Variants in SLC6A6 observed in about 807,000 individuals in gnomAD.
SLC6A6 encodes sodium- and chloride-dependent taurine transporter.
A neutral mutation model predicts 68.8 loss-of-function variants in SLC6A6; 16 were observed. The observed-to-expected ratio is 0.23, with a 90% CI of 0.16 to 0.35. The LOEUF (loss-of-function observed/expected upper bound fraction) is 0.35. Among genes scored for constraint, SLC6A6 ranks in the 10% least tolerant of loss-of-function variants. The probability of loss-of-function intolerance (pLI) is 1.00; values close to 1 mark genes in which losing one functional copy is unlikely to be tolerated. For synonymous variants in SLC6A6, 312 were observed against 315.4 expected (o/e 0.99, Z 0.12); for missense variants, 474 against 802.8 (o/e 0.59, Z 4.95).
In SLC6A6 at chr3:14,488,801, C is replaced by G. The variant is rs554170876; in HGVS notation, c.*3794C>G. 1 of 152,742 alleles carries G rather than the reference C, an allele frequency of 6.5e-6. No homozygotes were observed. Among genetic ancestry groups the G allele is most frequent in the South Asian group, 2.1e-4 (1 of 4,824 alleles). 9.5% of individuals were successfully genotyped at this position (152,742 alleles called of 1,614,324 possible). On this transcript the variant is annotated 3_prime_UTR_variant, in exon 15 of 15. Coordinates refer to ENST00000622186, the MANE Select transcript of SLC6A6 (RefSeq NM_003043.6). ...GAATATATATTGTTGTAATAGGAAG[C>G]ATTTTTGCATTGTTCTCTTGTGGGT...
Position 14,409,984 on chromosome 3 carries a change from G to A in SLC6A6, c.-53-6428G>A, listed in dbSNP as rs374655407. On this transcript the variant is annotated intron_variant, in intron 1 of 14. Transcript: ENST00000622186. ...GGGCGGATCACGAGGTCAGGAGTTC[G>A]AGACCAGCCTGGCCAATATGGTGAA... Among the ~76,000 whole-genome samples the A allele has an allele frequency of 2.0e-3, 303 of 152,160 alleles. 4 individuals are homozygous for A. The highest frequency in any genetic ancestry group is 4.7e-4 in the Non-Finnish European group (32 of 68,004).
At chr3:14,464,722 A>C (rs1179911351) in intron 6 of SLC6A6, among the ~76,000 whole-genome samples, 1 of 152,092 alleles carries the variant, frequency 6.6e-6, no homozygotes, top group Non-Finnish European at 1.5e-5. Context: ...GTGCCCTGGC[A>C]CTGCACCCCC....
In SLC6A6 at chr3:14,481,920, T is replaced by G; in HGVS notation, c.1722+79T>G. The G allele has an allele frequency of 3.2e-6, 4 of 1,241,374 alleles. No individual in the cohort carries two copies. Among genetic ancestry groups the G allele is most frequent in the Non-Finnish European group, 4.6e-6 (4 of 871,904 alleles). 76.9% of individuals were successfully genotyped at this position (1,241,374 alleles called of 1,614,324 possible). A position where few individuals can be genotyped will look rare whatever the true frequency, so the allele number is the denominator to read the frequency against. ...ATTGTTGTCAGTTTGCTGCGTGATC[T>G]CAGGCAAGTCACCTGCCCTCTCTGA... On this transcript the variant is annotated intron_variant, in intron 14 of 14. Coordinates refer to ENST00000622186, the MANE Select transcript of SLC6A6 (RefSeq NM_003043.6). The surrounding 1 kb of genome is among the most constrained non-coding windows in gnomAD (Gnocchi z 4.7).
chr3:14,458,129 AG>A, intron 6 of SLC6A6, 47 bp downstream of exon 6: 1 of 1,585,632 alleles, frequency 6.3e-7, no homozygotes, highest in South Asian at 1.1e-5. Context: ...GAGCTGTGCC[AG>A]GCTGGCCCTC....
In SLC6A6 at chr3:14,466,037, G is replaced by C. The variant is rs558197105; in HGVS notation, c.733-479G>C. ...AGCACTTTGGGAGGCTGAGGCAGGT[G>C]GATCATTTGAGGCCAGGAGTTTGAG... On this transcript the variant is annotated intron_variant, in intron 6 of 14. Transcript: ENST00000622186. Among the ~76,000 whole-genome samples, 4 of 152,202 alleles carry C rather than the reference G, an allele frequency of 2.6e-5. No homozygotes were observed. The South Asian group carries it at 8.3e-4, about 32-fold the overall frequency.
At chr3:14,426,315 T>C (rs1312749034) in intron 2 of SLC6A6, among the ~76,000 whole-genome samples, 1 of 150,398 alleles carries the variant, frequency 6.6e-6, no homozygotes, top group Non-Finnish European at 1.5e-5. Flanking sequence ...CTCATCTCCA[T>C]TTGGGGTAAG....
At chr3:14,445,053 C>T (rs1700082374) in intron 3 of SLC6A6, among the ~76,000 whole-genome samples, 1 of 109,064 alleles carries the variant, frequency 9.2e-6, no homozygotes, top group Admixed American at 8.0e-5. Context: ...GTGAGTGGGT[C>T]TTAAGAGGCC....
chr3:14,452,365 G>C (rs1018568183), intron 5 of SLC6A6, among the ~76,000 whole-genome samples: 6 of 152,262 alleles, frequency 3.9e-5, no homozygotes, highest in Admixed American at 6.5e-5. Flanking sequence ...GACCAGGGAT[G>C]TGCTTTGCAG....
At chr3:14,473,709 G>C (rs1700806673) in intron 10 of SLC6A6, among the ~76,000 whole-genome samples, 1 of 152,212 alleles carries the variant, frequency 6.6e-6, no homozygotes, top group African/African-American at 2.4e-5. Flanking sequence ...GTTGTTGATA[G>C]ACTTGAGCTG....
In SLC6A6 at chr3:14,404,252, T is replaced by TGA. The variant is rs950010957; in HGVS notation, c.-54+1415_-54+1416dup. ...CCTAGCCAGAAGGAGTTTATTTTTA[T>TGA]GAGAGAGAGAGCGGGTGAGTGCTTA... On this transcript the variant is annotated intron_variant, in intron 1 of 14. Coordinates refer to ENST00000622186, the MANE Select transcript of SLC6A6 (RefSeq NM_003043.6). Among the ~76,000 whole-genome samples, 5 of 152,128 alleles carry TGA rather than the reference T, an allele frequency of 3.3e-5. No individual in the cohort carries two copies. In the South Asian group the frequency reaches 8.3e-4, roughly 25 times the overall value.
Position 14,447,774 on chromosome 3 carries a change from T to G in SLC6A6, c.557T>G (p.Ile186Ser), listed in dbSNP as rs1468956193. 1 of 1,614,208 alleles carries G rather than the reference T, an allele frequency of 6.2e-7. No individual in the cohort carries two copies. Among genetic ancestry groups the G allele is most frequent in the Non-Finnish European group, 8.5e-7 (1 of 1,180,036 alleles). ...MRKNKSVWITISSTNFTSPVI... is the reference protein window; with the variant it reads ...MRKNKSVWITSSSTNFTSPVI... ...AAGAACAAGAGTGTCTGGATCACCA[T>G]CAGCTCCACCAACTTCACCTCCCCT... Residue 186 changes from isoleucine to serine, a missense_variant, in exon 5 of 15, where the codon ATC becomes AGC. Physicochemically the swap from Ile to Ser is moderately radical, Grantham distance 142. Around this residue, in one of 2 missense-constraint regions of SLC6A6, gnomAD observed 280 missense variants for 533.1 expected, o/e 0.53. Transcript: ENST00000622186.
At chr3:14,426,385 C>T (rs1387606258) in intron 2 of SLC6A6, among the ~76,000 whole-genome samples, 1 of 152,216 alleles carries the variant, frequency 6.6e-6, no homozygotes, top group African/African-American at 2.4e-5. Context: ...ACTGCGTCCA[C>T]CTGCTGATCC....
intron 9 of SLC6A6, among the ~76,000 whole-genome samples, chr3:14,470,130 A>T (rs1700718242): frequency 2.0e-5 from 3 of 152,212 alleles, no homozygotes; most frequent in Admixed American, 1.3e-4. Flanking sequence ...TGAATTTGGC[A>T]ATGGGAGATA....
chr3:14,451,829 A>G (rs1393201327), intron 5 of SLC6A6, among the ~76,000 whole-genome samples: 1 of 152,054 alleles, frequency 6.6e-6, no homozygotes, highest in African/African-American at 2.4e-5. Context: ...TCTTGTCAGG[A>G]TTTTTTGCGC....
chr3:14,423,067 TCAAGGGGG>T (rs558439514), intron 2 of SLC6A6, among the ~76,000 whole-genome samples: 29 of 152,262 alleles, frequency 1.9e-4, no homozygotes, highest in African/African-American at 6.7e-4. Flanking sequence ...GCAGTGTCTG[TCAAGGGGG>T]CAAGGTGGGA....
intron 2 of SLC6A6, among the ~76,000 whole-genome samples, chr3:14,423,027 C>T (rs1574916338): frequency 6.6e-6 from 1 of 152,176 alleles, no homozygotes; most frequent in African/African-American, 2.4e-5. Flanking sequence ...ACTGGGTCCA[C>T]ATCAATGAGA....
chr3:14,485,171 T>TGTGG lies in SLC6A6; in HGVS notation c.*167_*168insGGTG, dbSNP rs1701122747. 1 of 536,152 alleles carries TGTGG rather than the reference T, an allele frequency of 1.9e-6. No homozygotes were observed. Among genetic ancestry groups the TGTGG allele is most frequent in the Non-Finnish European group, 3.2e-6 (1 of 308,164 alleles). 33.2% of individuals were successfully genotyped at this position (536,152 alleles called of 1,614,324 possible). A position where few individuals can be genotyped will look rare whatever the true frequency, so the allele number is the denominator to read the frequency against. ...GTATGTGTGCGTGCGTGTGTGTGTG[T>TGTGG]GTGTGTATCGTGTGTGTGTGTTTTG... On this transcript the variant is annotated 3_prime_UTR_variant, in exon 15 of 15. Transcript: ENST00000622186.
intron 2 of SLC6A6, among the ~76,000 whole-genome samples, chr3:14,443,402 G>A (rs1482154689): frequency 6.6e-6 from 1 of 152,114 alleles, no homozygotes; most frequent in African/African-American, 2.4e-5. Flanking sequence ...TCTGTGGGTT[G>A]CAAGTGTCCA....
intron 2 of SLC6A6, among the ~76,000 whole-genome samples, chr3:14,416,999 C>T (rs1373499267): frequency 3.9e-5 from 6 of 152,234 alleles, no homozygotes; most frequent in Admixed American, 1.3e-4. Flanking sequence ...CGCGTGCCGC[C>T]GTGCCCAGCT....
Sources: gnomAD v4.1 joint callset for allele counts (sites outside exome capture counted in the v4.1 genomes callset) on GRCh38, gnomAD v4.1.1 for gene constraint, gnomAD v4.1.1 regional missense constraint, Gnocchi (gnomAD v3.1) non-coding constraint, MANE v1.5 for transcripts, NCBI Gene and HGNC (gene_info 2026-07-23, HGNC 2026-07-21) for gene names.